Variants in ALDH1L2 observed in about 807,000 individuals in gnomAD.
The protein encoded by ALDH1L2 is aldehyde dehydrogenase 1 family member L2, also known as mitochondrial 10-formyltetrahydrofolate dehydrogenase.
A neutral mutation model predicts 111.0 loss-of-function variants in ALDH1L2; 91 were observed. The observed-to-expected ratio is 0.82, with a 90% CI of 0.69 to 0.98. The LOEUF (loss-of-function observed/expected upper bound fraction) is 0.98, where lower values mean the gene tolerates loss of function less well. ALDH1L2 is among the 50% of genes least tolerant of loss of function. The probability of loss-of-function intolerance (pLI) is 0.00; values close to 1 mark genes in which losing one functional copy is unlikely to be tolerated. For missense variants in ALDH1L2, 995 were observed against 1,126.8 expected (o/e 0.88, Z 1.67); for synonymous variants, 374 against 392.6 (o/e 0.95, Z 0.56).
chr12:105,029,191 C>T (rs1874575601), intron 21 of ALDH1L2, among the ~76,000 whole-genome samples: 2 of 150,840 alleles, frequency 1.3e-5, no homozygotes, highest in Admixed American at 1.3e-4. Flanking sequence ...CCATGCCCAG[C>T]TAATTTTTAA....
intron 15 of ALDH1L2, 103 bp from the exon 16 acceptor site, chr12:105,040,797 T>G: frequency 3.3e-6 from 3 of 918,860 alleles, no homozygotes; most frequent in Non-Finnish European, 5.3e-6. Context: ...CATTTTATTT[T>G]TATTGTACAT....
intron 4 of ALDH1L2, 110 bp from the exon 5 acceptor site, chr12:105,066,779 AG>A: frequency 1.2e-6 from 1 of 822,796 alleles, no homozygotes; most frequent in South Asian, 1.5e-5. Context: ...CTGTTCAGAG[AG>A]TCAAGAGTAT....
chr12:105,034,530 T>C (rs1269311894), intron 18 of ALDH1L2, 132 bp from the exon 19 acceptor site: 1 of 709,000 alleles, frequency 1.4e-6, no homozygotes, highest in East Asian at 3.0e-5. Context: ...ACAATCCTCT[T>C]GGCCTTGTTA....
In ALDH1L2 at chr12:105,024,520, C is replaced by T. The variant is rs745426417; in HGVS notation, c.2717-41G>A. ...GCAGTTGACAGACCACATTCAGAGG[C>T]AGACATGTGATGTCTTCAGACCTTC... On this transcript the variant is annotated intron_variant, in intron 22 of 22. Coordinates refer to ENST00000258494, the MANE Select transcript of ALDH1L2 (RefSeq NM_001034173.4). The T allele has an allele frequency of 1.6e-5, 26 of 1,590,264 alleles. No individual in the cohort carries two copies. The South Asian group carries it at 2.7e-4, about 16-fold the overall frequency.
intron 4 of ALDH1L2, among the ~76,000 whole-genome samples, chr12:105,066,916 T>C (rs1443330653): frequency 2.0e-5 from 3 of 152,104 alleles, no homozygotes; most frequent in African/African-American, 4.8e-5. Flanking sequence ...GTTTTACACC[T>C]GAGGAAACTG....
At chr12:105,050,653 A>G in intron 12 of ALDH1L2, 1 of 453,898 alleles carries the variant, frequency 2.2e-6, no homozygotes, top group Non-Finnish European at 4.4e-6. Context: ...CCAGCTTGAA[A>G]TCCCCCTCCG....
chr12:105,026,258 CCAAA>C lies in ALDH1L2; in HGVS notation c.2716+283_2716+286del, dbSNP rs1316031343. The stretch of plus-strand genomic sequence containing the variant: ...TTCATGCCGAATGTCAGATTAAACA[CCAAA>C]CATATTTCAGCTAAAGTATATTGTT... On this transcript the variant is annotated intron_variant, in intron 22 of 22. Coordinates refer to ENST00000258494, the MANE Select transcript of ALDH1L2 (RefSeq NM_001034173.4). Among the ~76,000 whole-genome samples the C allele has an allele frequency of 2.6e-5, 4 of 152,312 alleles. No homozygotes were observed. In the East Asian group the frequency reaches 7.7e-4, roughly 29 times the overall value.
chr12:105,080,699 T>C (rs1878296322), intron 1 of ALDH1L2, among the ~76,000 whole-genome samples: 1 of 152,230 alleles, frequency 6.6e-6, no homozygotes, highest in South Asian at 2.1e-4. Flanking sequence ...ATACTTACCA[T>C]TGGAGCATCC....
At chr12:105,044,676 C>T (rs986982699) in intron 15 of ALDH1L2, among the ~76,000 whole-genome samples, 2 of 151,076 alleles carry the variant, frequency 1.3e-5, no homozygotes, top group African/African-American at 4.9e-5. Flanking sequence ...CACACAAATA[C>T]ATGTATCTTT....
chr12:105,063,017 G>T lies in ALDH1L2; in HGVS notation c.792C>A (p.Val264=). Residue 264 remains valine, a synonymous_variant, in exon 7 of 23, where the codon GTC becomes GTA. Transcript: ENST00000258494. ...TCAGTAATGTCGAGCCATAGAAAGT[G>T]ACCATCTAGTAAAGAGATCAAACAC... The part of the protein sequence containing the change: ...GAWTEINGQM[V]TFYGSTLLNS... 6.2e-7 allele frequency: 1 copy of T among 1,612,674 alleles called. No individual in the cohort carries two copies. Among genetic ancestry groups the T allele is most frequent in the South Asian group, 1.1e-5 (1 of 90,720 alleles).
intron 19 of ALDH1L2, 48 bp downstream of exon 19, chr12:105,034,251 TA>T (rs1874857616): frequency 6.3e-7 from 1 of 1,575,624 alleles, no homozygotes; most frequent in African/African-American, 1.4e-5. Context: ...ATTTTTCAAG[TA>T]AAAGCAAAAT....
intron 6 of ALDH1L2, among the ~76,000 whole-genome samples, chr12:105,063,487 A>AAG (rs1555226856): frequency 1.8e-4 from 28 of 151,790 alleles, no homozygotes; most frequent in African/African-American, 4.8e-4. Context: ...AAGAAAAAAA[A>AAG]AAAGAAAGAA....
At chr12:105,040,805 C>T in intron 15 of ALDH1L2, 111 bp from the exon 16 acceptor site, 2 of 872,894 alleles carry the variant, frequency 2.3e-6, no homozygotes, top group South Asian at 1.6e-5. Flanking sequence ...TTTTATTGTA[C>T]ATTGTCTTAT....
At chr12:105,034,493 A>G in intron 18 of ALDH1L2, 95 bp from the exon 19 acceptor site, 1 of 1,050,214 alleles carries the variant, frequency 9.5e-7, no homozygotes, top group Non-Finnish European at 1.4e-6. Context: ...TTTTTGGAAG[A>G]CAGCAGGCAA....
intron 15 of ALDH1L2, among the ~76,000 whole-genome samples, chr12:105,046,206 TATATATATATATA>T: frequency 1.7e-5 from 1 of 60,084 alleles, no homozygotes; most frequent in African/African-American, 7.2e-5. Flanking sequence ...TATATATATA[TATATATATATATA>T]TATTTTTTTT....
chr12:105,021,715 C>T lies in ALDH1L2; in HGVS notation c.*2709G>A, dbSNP rs1450207864. On this transcript the variant is annotated 3_prime_UTR_variant, in exon 23 of 23. Transcript: ENST00000258494. ...CATGCTTAGCCTAAGGTCTTTCATA[C>T]AGGAGGCCCTTAATAAATGGTAGCT... 1 of 152,086 alleles carries T rather than the reference C, an allele frequency of 6.6e-6. No homozygotes were observed. The highest frequency in any genetic ancestry group is 1.5e-5 in the Non-Finnish European group (1 of 68,024). 9.4% of individuals were successfully genotyped at this position (152,086 alleles called of 1,614,324 possible). A position where few individuals can be genotyped will look rare whatever the true frequency, so the allele number is the denominator to read the frequency against.
chr12:105,049,883 C>T, intron 13 of ALDH1L2, 25 bp downstream of exon 13: 1 of 1,586,798 alleles, frequency 6.3e-7, no homozygotes, highest in South Asian at 1.2e-5. Flanking sequence ...CTTTTTCTTT[C>T]AGAACAAATA....
chr12:105,021,975 G>C lies in ALDH1L2; in HGVS notation c.*2449C>G, dbSNP rs1874185579. On this transcript the variant is annotated 3_prime_UTR_variant, in exon 23 of 23. Transcript: ENST00000258494. ...GGGATGGGGAATTAGAAGGAAAGTG[G>C]AACTGCTTAAAGTGTCCACACCTCC... The C allele has an allele frequency of 6.6e-6, 1 of 152,110 alleles. No individual in the cohort carries two copies. 9.4% of individuals were successfully genotyped at this position (152,110 alleles called of 1,614,324 possible).
chr12:105,061,131 T>A, intron 8 of ALDH1L2, 59 bp from the exon 9 acceptor site: 2 of 1,436,536 alleles, frequency 1.4e-6, no homozygotes, highest in South Asian at 1.2e-5. Flanking sequence ...TGGCAGAGAC[T>A]GGGCTAGCTC....
Sources: allele counts gnomAD v4.1 joint callset (sites outside exome capture counted in the v4.1 genomes callset), GRCh38; gene constraint gnomAD v4.1.1; transcripts MANE v1.5; gene names NCBI Gene and HGNC (gene_info 2026-07-23, HGNC 2026-07-21).